MGAM: variants seen among roughly 807,000 people sequenced by gnomAD.
MGAM encodes the protein alpha-1,4-glucosidase.
A neutral mutation model predicts 358.8 loss-of-function variants in MGAM; 253 were observed. The ratio of observed to expected loss-of-function variants is 0.71; its 90% CI spans 0.64 to 0.78. The LOEUF (loss-of-function observed/expected upper bound fraction) is 0.78, where lower values mean the gene tolerates loss of function less well. Ranked by LOEUF, MGAM falls within the 30% of genes least tolerant of loss-of-function variation. The probability of loss-of-function intolerance (pLI) is 0.00; values close to 1 mark genes in which losing one functional copy is unlikely to be tolerated. For synonymous variants in MGAM, 1,105 were observed against 1,227.1 expected, an observed-to-expected ratio of 0.90 and a Z score of 2.08; for missense variants, 3,080 against 3,432.6, an observed-to-expected ratio of 0.90 and a Z score of 2.57.
chr7:142,104,739 G>A lies in MGAM; in HGVS notation c.8185-1075G>A, dbSNP rs1241866910. 3.3e-5 allele frequency among the ~76,000 whole-genome samples: 5 copies of A among 152,200 alleles called. No individual in the cohort carries two copies. The South Asian group carries it at 8.3e-4, about 25-fold the overall frequency. On this transcript the variant is annotated intron_variant, in intron 70 of 70. Transcript: ENST00000475668. ...GGCTCACAGTAATTCTATGGTTGTC[G>A]ATTACAAGACACGCTCTTGTCAGAT...
In MGAM at chr7:142,065,386, A is replaced by G. The variant is rs758441476; in HGVS notation, c.4536A>G (p.Thr1512=). Residue 1512 remains threonine, a synonymous_variant, in exon 38 of 71, where the codon ACA becomes ACG. Coordinates refer to ENST00000475668, the MANE Select transcript of MGAM (RefSeq NM_001365693.1). ...GQRGVVITRS[T]FPSSGRWAGH... ...GAGGGGTCGTCATCACCCGCTCCAC[A>G]TTTCCCTCTTCTGGCCGCTGGGCAG... 5 of 1,611,162 alleles carry G rather than the reference A, an allele frequency of 3.1e-6. No homozygotes were observed. The highest frequency in any genetic ancestry group is 3.4e-5 in the Admixed American group (2 of 59,672).
Position 142,068,665 on chromosome 7 carries a change from G to A in MGAM, c.5023G>A (p.Ala1675Thr), listed in dbSNP as rs1437830778. 1 of 1,539,680 alleles carries A rather than the reference G, an allele frequency of 6.5e-7. No individual in the cohort carries two copies. The highest frequency in any genetic ancestry group is 8.9e-7 in the Non-Finnish European group (1 of 1,119,636). The part of the protein sequence containing the change: ...VLERNARNVT[A>T]YFPRARWYDY... ...ATTTTAGAATGCCAGAAATGTCACTGCATATTTCCCTAGAGCCCGTTGGTA... is the reference window on the plus strand; with the variant it reads ...ATTTTAGAATGCCAGAAATGTCACTACATATTTCCCTAGAGCCCGTTGGTA... Residue 1675 changes from alanine to threonine, a missense_variant, in exon 43 of 71, where the codon GCA becomes ACA. Transcript: ENST00000475668.
Position 142,025,088 on chromosome 7 carries a change from G to A in MGAM, c.921G>A (p.Leu307=), listed in dbSNP as rs1200335769. 1 of 1,613,636 alleles carries A rather than the reference G, an allele frequency of 6.2e-7. No individual in the cohort carries two copies. Among genetic ancestry groups the A allele is most frequent in the Admixed American group, 1.7e-5 (1 of 59,984 alleles). ...TNLYGAQTFF[L]CLEDASGLSF... ...TGTATGGTGCGCAGACATTCTTCTT[G>A]TGCCTTGAAGATGCTAGTGGATTGT... The change falls in exon 8 of 71, where the codon TTG becomes TTA. Residue 307 remains leucine, a synonymous_variant. Coordinates refer to ENST00000475668, the MANE Select transcript of MGAM (RefSeq NM_001365693.1).
intron 66 of MGAM, among the ~76,000 whole-genome samples, chr7:142,098,038 GC>G (rs1411376182): frequency 6.6e-6 from 1 of 152,120 alleles, no homozygotes; most frequent in African/African-American, 2.4e-5. Flanking sequence ...AAGCATAGAG[GC>G]CTTTTTGTCT....
At chr7:142,046,260 A>G (rs1254977974) in intron 21 of MGAM, among the ~76,000 whole-genome samples, 2 of 150,896 alleles carry the variant, frequency 1.3e-5, no homozygotes, top group African/African-American at 2.4e-5. Flanking sequence ...GTGCTTGAAA[A>G]TTTTATTATC....
rs1584908117 is a variant in MGAM, at chr7:142,008,756, T to A, written c.327+51T>A. ...TTTTAGAATTTATGCAACTTGATAG[T>A]TTATTTTTTTTTGTTGTTTTGTTTT... is the stretch of plus-strand genomic sequence containing the variant. On this transcript the variant is annotated intron_variant, in intron 3 of 70. Transcript: ENST00000475668. 8.9e-6 allele frequency: 14 copies of A among 1,566,432 alleles called. No individual in the cohort carries two copies. The East Asian group carries it at 3.1e-4, about 35-fold the overall frequency.
chr7:142,062,770 C>A (rs1303824275), intron 35 of MGAM, 68 bp downstream of exon 35: 3 of 1,587,116 alleles, frequency 1.9e-6, no homozygotes, highest in Non-Finnish European at 2.6e-6. Context: ...GTATATGTAC[C>A]ACTGACCTTC....
At chr7:142,066,434 A>G (rs1812767566) in intron 40 of MGAM, 139 bp from the exon 41 acceptor site, 5 of 1,036,688 alleles carry the variant, frequency 4.8e-6, no homozygotes, top group Non-Finnish European at 7.0e-6. Context: ...GTCTATTAAG[A>G]ATATTCTCTG....
In MGAM at chr7:142,093,345, C is replaced by G. The variant is rs988767223; in HGVS notation, c.7034-67C>G. The G allele has an allele frequency of 2.6e-5, 39 of 1,478,926 alleles. 7 individuals are homozygous for G. Among genetic ancestry groups the G allele is most frequent in the East Asian group, 1.7e-4 (7 of 40,524 alleles). The allele number at this position is 1,478,926 out of a possible 1,614,324, so 91.6% of individuals were successfully genotyped here. A position where few individuals can be genotyped will look rare whatever the true frequency, so the allele number is the denominator to read the frequency against. On this transcript the variant is annotated intron_variant, in intron 59 of 70. Coordinates refer to ENST00000475668, the MANE Select transcript of MGAM (RefSeq NM_001365693.1). ...AGTCTTAAGATCCAGGGCCCAGTCCCTTGAAGAGAAGTCAGGGAGAAACAG... is the reference window on the plus strand; with the variant it reads ...AGTCTTAAGATCCAGGGCCCAGTCCGTTGAAGAGAAGTCAGGGAGAAACAG...
Position 142,027,616 on chromosome 7 carries a change from G to A in MGAM, c.1102G>A (p.Gly368Arg). The part of the protein sequence containing the change: ...QVVQEYLELI[G>R]RPALPSYWAL... ...CTTCACATATTTCTTTCAGCTCATT[G>A]GGCGGCCAGCCCTTCCCTCCTACTG... is the stretch of plus-strand genomic sequence containing the variant. Residue 368 changes from glycine to arginine, a missense_variant, in exon 10 of 71, where the codon GGG becomes AGG. Gly to Arg is a moderately radical substitution (Grantham distance 125, BLOSUM62 -2). This residue lies in a region of MGAM where 1,816 missense variants were observed against 1,840.5 expected (regional missense o/e 0.99). Transcript: ENST00000475668. The A allele has an allele frequency of 6.2e-7, 1 of 1,613,250 alleles. No homozygotes were observed.
At position 142,082,826 on chromosome 7, in the gene MGAM, T is replaced by C. The variant is rs1013814399; in HGVS notation, c.6268+255T>C. Among the ~76,000 whole-genome samples, 113 of 146,304 alleles carry C rather than the reference T, an allele frequency of 7.7e-4. 4 individuals carry two copies. Among genetic ancestry groups the C allele is most frequent in the African/African-American group, 2.4e-3 (101 of 41,248 alleles). On this transcript the variant is annotated intron_variant, in intron 52 of 70. Transcript: ENST00000475668. ...TAAAACCACATGGGTCCCAAATGTC[T>C]TGGAGGTCAGCTCGTGAGAGCCAGT...
At chr7:142,028,909 GA>G (rs1554462083) in intron 10 of MGAM, among the ~76,000 whole-genome samples, 2 of 151,842 alleles carry the variant, frequency 1.3e-5, no homozygotes, top group African/African-American at 4.8e-5. Flanking sequence ...TTGGGGGAGG[GA>G]TAACAGAAAA....
Position 142,052,300 on chromosome 7 carries a change from A to G in MGAM, c.2812A>G (p.Ile938Val), listed in dbSNP as rs1306564536. The G allele has an allele frequency of 5.6e-6, 9 of 1,603,886 alleles. No individual in the cohort carries two copies. The highest frequency in any genetic ancestry group is 1.3e-5 in the African/African-American group (1 of 74,768). ...GATTTCCACATTCCTACAGGTTGCC[A>G]TTATCACAGATATTGATCTTCTCCT... ...VTYDSNLKVA[I>V]ITDIDLLLGE... Residue 938 changes from isoleucine (I) to valine (V), a missense_variant, in exon 25 of 71, where the codon ATT becomes GTT. By Grantham distance (29) the Ile-to-Val change is conservative (BLOSUM62 3). This residue lies in a region of MGAM where 1,816 missense variants were observed against 1,840.5 expected (regional missense o/e 0.99). Transcript: ENST00000475668.
chr7:142,040,119 C>A lies in MGAM; in HGVS notation c.2321C>A (p.Ala774Glu), dbSNP rs747913972. The A allele has an allele frequency of 2.5e-6, 4 of 1,611,076 alleles. No individual in the cohort carries two copies. The Admixed American group carries it at 6.7e-5, about 27-fold the overall frequency. ...ACTACATTTTTTTAATTTCAGGGTGCAGAGAAAGTGATGGCATATGTGCCT... is the reference window on the plus strand; with the variant it reads ...ACTACATTTTTTTAATTTCAGGGTGAAGAGAAAGTGATGGCATATGTGCCT... ...LLITPVLDEG[A>E]EKVMAYVPDA... is the part of the protein sequence containing the mutation. The change falls in exon 20 of 71, where the codon GCA becomes GAA. Residue 774 changes from alanine to glutamate, a missense_variant. Transcript: ENST00000475668.
rs575503180 is a variant in MGAM at position 142,031,817 on chromosome 7, T to C, written c.1584+24T>C. 3.5e-5 allele frequency: 51 copies of C among 1,463,336 alleles called. No individual in the cohort carries two copies. In the South Asian group the frequency reaches 5.1e-4, roughly 15 times the overall value. 90.6% of individuals were successfully genotyped at this position (1,463,336 alleles called of 1,614,324 possible). ...TTGTGAGTTGTTTACACTTGGATTA[T>C]TAGGTGACAAATATTCAAATTGTGT... is the stretch of plus-strand genomic sequence containing the variant. On this transcript the variant is annotated intron_variant, in intron 13 of 70. Coordinates refer to ENST00000475668, the MANE Select transcript of MGAM (RefSeq NM_001365693.1).
At chr7:142,040,355 T>A in intron 20 of MGAM, 184 bp downstream of exon 20, 1 of 605,148 alleles carries the variant, frequency 1.7e-6, no homozygotes, top group East Asian at 2.8e-5. Flanking sequence ...CATGATGAAA[T>A]GTGAAAAAAT....
At chr7:142,051,594 T>C (rs1433888242) in intron 24 of MGAM, among the ~76,000 whole-genome samples, 1 of 152,162 alleles carries the variant, frequency 6.6e-6, no homozygotes, top group African/African-American at 2.4e-5. Context: ...TTGGAGTCTT[T>C]GGGCTTAGAG....
At chr7:141,994,449 C>G (rs1383864075), upstream of MGAM, among the ~76,000 whole-genome samples, 4 of 152,146 alleles carry the variant, frequency 2.6e-5, no homozygotes, top group Non-Finnish European at 5.9e-5. Context: ...ACAGGAGCAC[C>G]TAAAACTGTC....
At chr7:142,034,150 A>G (rs782390088) in intron 14 of MGAM, 112 bp from the exon 15 acceptor site, 9 of 676,522 alleles carry the variant, frequency 1.3e-5, no homozygotes, top group Non-Finnish European at 2.4e-5. Flanking sequence ...GACTGTTTAC[A>G]GGATGCCCAC....
Sources: gnomAD v4.1 joint callset for allele counts (sites outside exome capture counted in the v4.1 genomes callset) on GRCh38, gnomAD v4.1.1 for gene constraint, gnomAD v4.1.1 regional missense constraint, MANE v1.5 for transcripts, NCBI Gene and HGNC (gene_info 2026-07-23, HGNC 2026-07-21) for gene names.